Variants in ADIPOR2 observed in about 807,000 individuals in gnomAD.
ADIPOR2 encodes adiponectin receptor 2.
In ADIPOR2, 18 loss-of-function variants were observed where a neutral mutation model predicts 40.9. The observed-to-expected ratio is 0.44, with a 90% CI of 0.30 to 0.65. The LOEUF (loss-of-function observed/expected upper bound fraction) is 0.65, where lower values mean the gene tolerates loss of function less well. Ranked by LOEUF, ADIPOR2 falls within the 30% of genes least tolerant of loss-of-function variation. The pLI is 0.09. For missense variants in ADIPOR2, 283 were observed against 479.2 expected, an observed-to-expected ratio of 0.59 and a Z score of 3.82; for synonymous variants, 165 against 166.4, an observed-to-expected ratio of 0.99 and a Z score of 0.06.
intron 3 of ADIPOR2, among the ~76,000 whole-genome samples, chr12:1,776,678 G>T (rs1051933748): frequency 2.6e-5 from 4 of 152,192 alleles, no homozygotes; most frequent in African/African-American, 9.7e-5. Context: ...TCTGATGCGG[G>T]AGGGACCATG....
chr12:1,752,942 C>A (rs1862032974), intron 1 of ADIPOR2, among the ~76,000 whole-genome samples: 1 of 152,040 alleles, frequency 6.6e-6, no homozygotes, highest in Admixed American at 6.6e-5. Context: ...AGGTACATGC[C>A]CAGGTTTGGT....
intron 4 of ADIPOR2, among the ~76,000 whole-genome samples, chr12:1,779,283 T>C (rs1257965229): frequency 6.6e-6 from 1 of 152,242 alleles, no homozygotes; most frequent in Non-Finnish European, 1.5e-5. Context: ...GTCTATCGAC[T>C]GGTAATGGAG....
intron 1 of ADIPOR2, among the ~76,000 whole-genome samples, chr12:1,752,374 C>T (rs1407672524): frequency 6.6e-6 from 1 of 151,832 alleles, no homozygotes; most frequent in Non-Finnish European, 1.5e-5. Flanking sequence ...GCTGGGATTA[C>T]AGGCATGAGC....
chr12:1,691,447 C>T, intron 1 of ADIPOR2, among the ~76,000 whole-genome samples: 1 of 152,170 alleles, frequency 6.6e-6, no homozygotes, highest in African/African-American at 2.4e-5. Context: ...CGGAGGAGTC[C>T]GGCGCCCGCT....
chr12:1,757,197 G>GT (rs1862151025), intron 2 of ADIPOR2: 1 of 387,456 alleles, frequency 2.6e-6, no homozygotes, highest in African/African-American at 2.1e-5. Context: ...TTTTAATTAC[G>GT]TACAAAGATC....
chr12:1,784,234 A>G (rs933650450), intron 7 of ADIPOR2, among the ~76,000 whole-genome samples, 161 bp downstream of exon 7: 2 of 152,242 alleles, frequency 1.3e-5, no homozygotes, highest in South Asian at 4.1e-4. Flanking sequence ...GTACAATAAT[A>G]ACTAACATTT....
chr12:1,700,732 C>T (rs2094648374), intron 1 of ADIPOR2, among the ~76,000 whole-genome samples: 1 of 149,338 alleles, frequency 6.7e-6, no homozygotes, highest in Non-Finnish European at 1.5e-5. Context: ...TCACAGATTT[C>T]TAAGAAACTA....
chr12:1,782,993 TTTTTTTTTTG>T (rs1565660288), intron 6 of ADIPOR2, among the ~76,000 whole-genome samples: 1 of 105,262 alleles, frequency 9.5e-6, no homozygotes, highest in African/African-American at 3.2e-5. Flanking sequence ...TTTTTTTTTT[TTTTTTTTTTG>T]AGATGGAGTC....
At chr12:1,777,330 G>A (rs1227766140) in intron 3 of ADIPOR2, among the ~76,000 whole-genome samples, 2 of 136,932 alleles carry the variant, frequency 1.5e-5, no homozygotes, top group Non-Finnish European at 3.2e-5. Context: ...CTATAAATTT[G>A]TTTACTCTTT....
At chr12:1,745,035 A>G (rs1291124371) in intron 1 of ADIPOR2, among the ~76,000 whole-genome samples, 2 of 152,132 alleles carry the variant, frequency 1.3e-5, no homozygotes, top group East Asian at 3.9e-4. Context: ...GCCAATCAGC[A>G]CTGTTTGGTG....
intron 2 of ADIPOR2, among the ~76,000 whole-genome samples, chr12:1,760,497 C>T (rs919090300): frequency 6.6e-6 from 1 of 152,190 alleles, no homozygotes; most frequent in African/African-American, 2.4e-5. Flanking sequence ...CTACCCCCAA[C>T]CCTAGGCAAC....
At chr12:1,717,566 G>A (rs1249404247) in intron 1 of ADIPOR2, among the ~76,000 whole-genome samples, 6 of 152,116 alleles carry the variant, frequency 3.9e-5, no homozygotes, top group African/African-American at 1.2e-4. Context: ...TTAGCCAGGC[G>A]TGGTGGCACA....
intron 2 of ADIPOR2, among the ~76,000 whole-genome samples, chr12:1,764,935 A>C (rs1442188439): frequency 1.3e-5 from 2 of 152,050 alleles, no homozygotes; most frequent in Non-Finnish European, 2.9e-5. Flanking sequence ...TATTTTATTT[A>C]TATGAAGGCA....
chr12:1,752,000 C>T (rs962741222), intron 1 of ADIPOR2, among the ~76,000 whole-genome samples: 3 of 150,994 alleles, frequency 2.0e-5, no homozygotes, highest in African/African-American at 4.9e-5. Context: ...CTCTGCCTCC[C>T]GGGTTCGAGC....
intron 2 of ADIPOR2, among the ~76,000 whole-genome samples, chr12:1,756,195 G>A (rs1862125311): frequency 6.6e-6 from 1 of 151,830 alleles, no homozygotes; most frequent in South Asian, 2.1e-4. Context: ...CTGTTGCCCA[G>A]GCTGGAGTGC....
chr12:1,751,146 C>G (rs2094768364), intron 1 of ADIPOR2, among the ~76,000 whole-genome samples: 1 of 151,592 alleles, frequency 6.6e-6, no homozygotes, highest in African/African-American at 2.4e-5. Flanking sequence ...TTGGGGTGTT[C>G]TGTTTTGTTA....
At chr12:1,718,280 CA>C (rs1303454602) in intron 1 of ADIPOR2, among the ~76,000 whole-genome samples, 1 of 152,036 alleles carries the variant, frequency 6.6e-6, no homozygotes, top group Admixed American at 6.6e-5. Flanking sequence ...CGAGATATTT[CA>C]AGTTCTTGAA....
At chr12:1,764,032 A>G (rs146825671) in intron 2 of ADIPOR2, among the ~76,000 whole-genome samples, 12 of 152,324 alleles carry the variant, frequency 7.9e-5, no homozygotes, top group Admixed American at 2.0e-4. Context: ...TATTTGTGCA[A>G]TATTTAAGTA....
Position 1,754,298 on chromosome 12 carries a change from G to A in ADIPOR2, c.-46G>A. 1 of 1,502,752 alleles carries A rather than the reference G, an allele frequency of 6.7e-7. No homozygotes were observed. The allele number at this position is 1,502,752 out of a possible 1,614,324, so 93.1% of individuals were successfully genotyped here. The stretch of plus-strand genomic sequence containing the variant: ...CTGAAGGTCCATTCTCCCAAGAAGA[G>A]GGGACAGAAAGACAGATCTATTTGT... On this transcript the variant is annotated 5_prime_UTR_variant, in exon 2 of 8. Coordinates refer to ENST00000357103, the MANE Select transcript of ADIPOR2 (RefSeq NM_024551.3).
Sources: allele counts gnomAD v4.1 joint callset (sites outside exome capture counted in the v4.1 genomes callset), GRCh38; gene constraint gnomAD v4.1.1; transcripts MANE v1.5; gene names NCBI Gene and HGNC (gene_info 2026-07-23, HGNC 2026-07-21).